VAV3: variants seen among roughly 807,000 people sequenced by gnomAD.
VAV3 encodes vav guanine nucleotide exchange factor 3.
A neutral mutation model predicts 131.2 loss-of-function variants in VAV3; 94 were observed. The observed-to-expected ratio is 0.72, with a 90% CI of 0.61 to 0.85. VAV3 has a LOEUF of 0.85. Among genes scored for constraint, VAV3 ranks in the 40% least tolerant of loss-of-function variants. The pLI is 0.00. For synonymous variants in VAV3, 349 were observed against 342.0 expected, an observed-to-expected ratio of 1.02 and a Z score of -0.22; for missense variants, 939 against 1,002.7, an observed-to-expected ratio of 0.94 and a Z score of 0.86.
chr1:107,600,481 C>A (rs943758), intron 24 of VAV3, among the ~76,000 whole-genome samples: 150,330 of 152,276 alleles, frequency 0.99, 74,241 homozygotes, highest in East Asian at 1. Flanking sequence ...GATATGGAGA[C>A]GAAAACACAT....
intron 1 of VAV3, among the ~76,000 whole-genome samples, chr1:107,957,280 T>C (rs982926049): frequency 2.6e-5 from 4 of 152,064 alleles, no homozygotes; most frequent in Admixed American, 2.6e-4. Flanking sequence ...ACTTTAATCT[T>C]TTTTGTTCCT....
chr1:107,613,101 G>A (rs1416184633), intron 21 of VAV3, among the ~76,000 whole-genome samples: 2 of 152,060 alleles, frequency 1.3e-5, no homozygotes, highest in African/African-American at 4.8e-5. Context: ...AACTCTTGTT[G>A]CTTCTATTAT....
chr1:107,730,045 A>C (rs973777684), intron 15 of VAV3, among the ~76,000 whole-genome samples: 34 of 152,192 alleles, frequency 2.2e-4, no homozygotes, highest in African/African-American at 7.5e-4. Context: ...CTTTGAGGGC[A>C]AAAATTTGAA....
chr1:107,831,154 G>A (rs1424609134), intron 2 of VAV3, among the ~76,000 whole-genome samples: 1 of 151,656 alleles, frequency 6.6e-6, no homozygotes, highest in Non-Finnish European at 1.5e-5. Context: ...AAAAATTTTC[G>A]GGTTTTGTGA....
chr1:107,583,528 A>G, intron 25 of VAV3, among the ~76,000 whole-genome samples: 1 of 152,140 alleles, frequency 6.6e-6, no homozygotes, highest in East Asian at 1.9e-4. Flanking sequence ...TCAGCCCAAA[A>G]TCTCCTTAAG....
intron 25 of VAV3, among the ~76,000 whole-genome samples, chr1:107,577,983 C>T (rs896075849): frequency 2.0e-5 from 3 of 152,132 alleles, no homozygotes; most frequent in African/African-American, 7.2e-5. Flanking sequence ...ATATATTCTG[C>T]CTCTGTTCAG....
intron 1 of VAV3, among the ~76,000 whole-genome samples, chr1:107,912,090 T>G (rs537094288): frequency 6.6e-6 from 1 of 152,328 alleles, no homozygotes; most frequent in South Asian, 2.1e-4. Flanking sequence ...TACGTTAGTT[T>G]CCTATGAAGA....
At chr1:107,695,836 A>T (rs1444838496) in intron 17 of VAV3, among the ~76,000 whole-genome samples, 1 of 152,140 alleles carries the variant, frequency 6.6e-6, no homozygotes, top group Non-Finnish European at 1.5e-5. Context: ...GGTAAGGCCT[A>T]AATGTGATGT....
At chr1:107,774,201 G>C (rs1337600484) in intron 4 of VAV3, among the ~76,000 whole-genome samples, 1 of 152,058 alleles carries the variant, frequency 6.6e-6, no homozygotes, top group Non-Finnish European at 1.5e-5. Flanking sequence ...TGGGTAGCTG[G>C]AATTACAGGC....
At chr1:107,891,708 G>T (rs144405584) in intron 1 of VAV3, among the ~76,000 whole-genome samples, 1,947 of 152,072 alleles carry the variant, frequency 0.013, 15 homozygotes, top group Non-Finnish European at 0.019. Context: ...ATGTGGTGGT[G>T]TATGCCTGTA....
chr1:107,641,604 C>T (rs55800302), intron 20 of VAV3, among the ~76,000 whole-genome samples: 7,584 of 152,244 alleles, frequency 0.05, 208 homozygotes, highest in Middle Eastern at 0.088. Context: ...CAAACATCAA[C>T]ATGCTCACTT....
chr1:107,709,694 C>A (rs939869398), intron 15 of VAV3, among the ~76,000 whole-genome samples: 2 of 152,132 alleles, frequency 1.3e-5, no homozygotes, highest in South Asian at 4.1e-4. Flanking sequence ...TCTCATGATA[C>A]GGAGTTATTT....
At chr1:107,957,612 GT>G (rs1175296215) in intron 1 of VAV3, among the ~76,000 whole-genome samples, 13 of 152,040 alleles carry the variant, frequency 8.6e-5, no homozygotes, top group Admixed American at 8.5e-4. Context: ...TTTAAGATAT[GT>G]TTCAATAAAG....
intron 1 of VAV3, among the ~76,000 whole-genome samples, chr1:107,878,762 A>G (rs547972193): frequency 6.6e-6 from 1 of 152,276 alleles, no homozygotes; most frequent in Non-Finnish European, 1.5e-5. Flanking sequence ...GTAAAGGTAC[A>G]TGTCCCCCCT....
intron 2 of VAV3, among the ~76,000 whole-genome samples, chr1:107,804,903 T>C (rs1166992511): frequency 2.0e-5 from 3 of 151,886 alleles, no homozygotes; most frequent in Non-Finnish European, 4.4e-5. Context: ...CTCTTTCATA[T>C]GTGAAGGATA....
chr1:107,870,265 T>A (rs916043284), intron 2 of VAV3, among the ~76,000 whole-genome samples: 3 of 152,212 alleles, frequency 2.0e-5, no homozygotes, highest in Admixed American at 6.6e-5. Context: ...AGCGTAGAAG[T>A]GTTCCCTGAT....
At chr1:107,952,487 C>CATATATATATGTATATGT (rs1173992663) in intron 1 of VAV3, among the ~76,000 whole-genome samples, 1 of 133,478 alleles carries the variant, frequency 7.5e-6, no homozygotes, top group Non-Finnish European at 1.5e-5. Context: ...TATATATATA[C>CATATATATATGTATATGT]ACACATAAAT....
rs1008150816 is a variant in VAV3 at position 107,589,412 on chromosome 1, G to A, written c.2350+6800C>T. Among the ~76,000 whole-genome samples the A allele has an allele frequency of 7.2e-5, 11 of 152,156 alleles. No homozygotes were observed. The East Asian group carries it at 1.3e-3, about 19-fold the overall frequency. ...CGTGAAGACCAGCAGAGACTGGAGC[G>A]GTGCATCTATAAACCAAGCCATGCC... On this transcript the variant is annotated intron_variant, in intron 25 of 26. Coordinates refer to ENST00000370056, the MANE Select transcript of VAV3 (RefSeq NM_006113.5).
intron 21 of VAV3, among the ~76,000 whole-genome samples, chr1:107,611,585 C>T (rs1426448864): frequency 8.5e-6 from 1 of 117,872 alleles, no homozygotes; most frequent in Non-Finnish European, 1.8e-5. Flanking sequence ...ACCAAGCTTT[C>T]CATAGAGAAC....
Sources: gnomAD v4.1 joint callset for allele counts (sites outside exome capture counted in the v4.1 genomes callset) on GRCh38, gnomAD v4.1.1 for gene constraint, MANE v1.5 for transcripts, NCBI Gene and HGNC (gene_info 2026-07-23, HGNC 2026-07-21) for gene names.